The following SRGAP1 variants were observed in gnomAD, a reference collection of about 807,000 sequenced individuals.
SRGAP1 encodes SLIT-ROBO Rho GTPase-activating protein 1.
SRGAP1 carries 43 observed loss-of-function variants against 121.9 expected under a neutral mutation model. The observed-to-expected ratio is 0.35, with a 90% CI of 0.28 to 0.46. The LOEUF (loss-of-function observed/expected upper bound fraction) is 0.46, where lower values mean the gene tolerates loss of function less well. Among genes scored for constraint, SRGAP1 ranks in the 20% least tolerant of loss-of-function variants. The pLI is 1.00. For synonymous variants in SRGAP1, 447 were observed against 485.4 expected, an observed-to-expected ratio of 0.92 and a Z score of 1.04; for missense variants, 1,102 against 1,350.9, an observed-to-expected ratio of 0.82 and a Z score of 2.89.
chr12:63,998,137 C>T (rs1252356117), intron 3 of SRGAP1, among the ~76,000 whole-genome samples: 1 of 152,048 alleles, frequency 6.6e-6, no homozygotes. Context: ...ACTTTCTGTC[C>T]CCTCAATTCC....
intron 4 of SRGAP1, among the ~76,000 whole-genome samples, chr12:64,022,641 T>TG (rs1391892700): frequency 4.6e-5 from 7 of 152,174 alleles, no homozygotes; most frequent in African/African-American, 1.4e-4. Flanking sequence ...AAGGATATAA[T>TG]GGGGAAGGGT....
intron 3 of SRGAP1, among the ~76,000 whole-genome samples, chr12:63,991,165 C>G (rs573020289): frequency 6.6e-6 from 1 of 152,266 alleles, no homozygotes; most frequent in South Asian, 2.1e-4. Flanking sequence ...AGAGTTTTCC[C>G]CCACTCTCTC....
chr12:63,868,087 T>TTTTTTTTTTTTTTTTG (rs1899721971), intron 1 of SRGAP1, among the ~76,000 whole-genome samples: 1 of 86,524 alleles, frequency 1.2e-5, no homozygotes, highest in Non-Finnish European at 2.2e-5. Flanking sequence ...TTGTTTTTTT[T>TTTTTTTTTTTTTTTTG]TTTTTGTTTT....
rs548245446 is a variant in SRGAP1, at chr12:63,970,229, T to TA, written c.68-13717dup. Among the ~76,000 whole-genome samples, 12 of 152,186 alleles carry TA rather than the reference T, an allele frequency of 7.9e-5. No homozygotes were observed. In the East Asian group the frequency reaches 1.5e-3, roughly 20 times the overall value. ...AACATTTACATTGTAGATGCGTAAT[T>TA]AGGGGGAGAGGTGGTGAGAGCTATC... On this transcript the variant is annotated intron_variant, in intron 1 of 21. Coordinates refer to ENST00000355086, the MANE Select transcript of SRGAP1 (RefSeq NM_020762.4).
intron 4 of SRGAP1, among the ~76,000 whole-genome samples, chr12:64,030,953 C>T (rs2034763981): frequency 6.6e-6 from 1 of 152,184 alleles, no homozygotes; most frequent in Non-Finnish European, 1.5e-5. Context: ...TCCTTGCTGT[C>T]TCAGGTCAAC....
rs1162720938 is a variant in SRGAP1 at position 64,043,694 on chromosome 12, G to GA, written c.801+126dup. The GA allele has an allele frequency of 1.3e-5, 9 of 715,680 alleles. No individual in the cohort carries two copies. In the East Asian group the frequency reaches 2.1e-4, roughly 17 times the overall value. The allele number at this position is 715,680 out of a possible 1,614,324, so 44.3% of individuals were successfully genotyped here. A position where few individuals can be genotyped will look rare whatever the true frequency, so the allele number is the denominator to read the frequency against. On this transcript the variant is annotated intron_variant, in intron 6 of 21. Transcript: ENST00000355086. ...TGTTATTTTACGTAATACTCAAAAA[G>GA]AAAAAAATACTTTTATTTAAATTAT...
Position 63,967,221 on chromosome 12 carries a change from A to C in SRGAP1, c.68-16726A>C, listed in dbSNP as rs1306756127. On this transcript the variant is annotated intron_variant, in intron 1 of 21. Coordinates refer to ENST00000355086, the MANE Select transcript of SRGAP1 (RefSeq NM_020762.4). ...CTTGCGGGGCCAGGGTGGGAGGATC[A>C]CTTCTCCCCAGGAGTTCAAGACCCA... Among the ~76,000 whole-genome samples, 2 of 152,110 alleles carry C rather than the reference A, an allele frequency of 1.3e-5. 1 individual carries two copies. The highest frequency in any genetic ancestry group is 4.1e-4 in the South Asian group (2 of 4,834).
At chr12:64,082,647 A>C (rs1440969247) in intron 10 of SRGAP1, among the ~76,000 whole-genome samples, 2 of 152,196 alleles carry the variant, frequency 1.3e-5, no homozygotes, top group Admixed American at 1.3e-4. Context: ...CAGGGGTCTC[A>C]CCATGTTGGC....
intron 1 of SRGAP1, among the ~76,000 whole-genome samples, chr12:63,898,185 CA>C (rs1347054053): frequency 6.6e-6 from 1 of 152,164 alleles, no homozygotes; most frequent in Non-Finnish European, 1.5e-5. Context: ...CGCAAACTTG[CA>C]GGGGGGACTC....
chr12:63,955,335 A>G (rs942234186), intron 1 of SRGAP1, among the ~76,000 whole-genome samples: 3 of 152,218 alleles, frequency 2.0e-5, no homozygotes, highest in Non-Finnish European at 4.4e-5. Flanking sequence ...AAAAATAAAT[A>G]AAAATAAAAA....
At chr12:63,941,196 A>G (rs898535016) in intron 1 of SRGAP1, among the ~76,000 whole-genome samples, 2 of 151,678 alleles carry the variant, frequency 1.3e-5, no homozygotes, top group African/African-American at 2.4e-5. Context: ...CTTTACCCCA[A>G]AAACCTTTCT....
chr12:64,068,708 C>CA (rs2035586334), intron 8 of SRGAP1, among the ~76,000 whole-genome samples: 1 of 150,244 alleles, frequency 6.7e-6, no homozygotes, highest in Admixed American at 6.6e-5. Flanking sequence ...TGTAAGTTTT[C>CA]AAAAAAATAT....
chr12:64,121,251 G>A (rs546087261), intron 18 of SRGAP1, among the ~76,000 whole-genome samples: 179 of 152,002 alleles, frequency 1.2e-3, no homozygotes, highest in African/African-American at 4.0e-3. Context: ...GGGCTCAAAC[G>A]ATCCTCCTGG....
At chr12:63,992,983 G>C (rs531093709) in intron 3 of SRGAP1, among the ~76,000 whole-genome samples, 88 of 152,148 alleles carry the variant, frequency 5.8e-4, no homozygotes, top group Non-Finnish European at 1.0e-3. Context: ...TGCCTTCCTC[G>C]AGCAAACACA....
intron 6 of SRGAP1, among the ~76,000 whole-genome samples, chr12:64,044,783 C>T (rs181220476): frequency 3.4e-5 from 5 of 149,094 alleles, no homozygotes; most frequent in African/African-American, 1.2e-4. Context: ...TGGGTTCAAG[C>T]GATTCTTTTG....
At chr12:63,890,260 A>G (rs1900533663) in intron 1 of SRGAP1, among the ~76,000 whole-genome samples, 2 of 152,224 alleles carry the variant, frequency 1.3e-5, no homozygotes, top group South Asian at 2.1e-4. Flanking sequence ...CCACGCTTAT[A>G]CTTTAGAAAC....
chr12:64,072,888 C>T lies in SRGAP1; in HGVS notation c.1126-6031C>T, dbSNP rs1215107502. Among the ~76,000 whole-genome samples, 3 of 152,292 alleles carry T rather than the reference C, an allele frequency of 2.0e-5. No homozygotes were observed. In the East Asian group the frequency reaches 5.8e-4, roughly 29 times the overall value. On this transcript the variant is annotated intron_variant, in intron 8 of 21. Coordinates refer to ENST00000355086, the MANE Select transcript of SRGAP1 (RefSeq NM_020762.4). ...AGTCCACAAAAGTCCACAGAAGTCA[C>T]CTCTCCCTCCTCATTTGTTTTGACC... is the stretch of plus-strand genomic sequence containing the variant.
intron 1 of SRGAP1, among the ~76,000 whole-genome samples, chr12:63,857,917 A>G (rs1274902295): frequency 6.6e-6 from 1 of 152,200 alleles, no homozygotes; most frequent in Non-Finnish European, 1.5e-5. Context: ...GAATGCTTTC[A>G]GGCCCCTCCT....
At chr12:63,861,305 T>A (rs369764874) in intron 1 of SRGAP1, among the ~76,000 whole-genome samples, 11,167 of 144,544 alleles carry the variant, frequency 0.077, 645 homozygotes, top group East Asian at 0.22. Flanking sequence ...TATATATATT[T>A]TTTTTTTTTT....
Sources: allele counts gnomAD v4.1 joint callset (sites outside exome capture counted in the v4.1 genomes callset), GRCh38; gene constraint gnomAD v4.1.1; transcripts MANE v1.5; gene names NCBI Gene and HGNC (gene_info 2026-07-23, HGNC 2026-07-21).